The following PPP2R2B variants were observed in gnomAD, a reference collection of about 807,000 sequenced individuals.
PPP2R2B encodes the protein protein phosphatase 2 regulatory subunit Bbeta.
A neutral mutation model predicts 46.0 loss-of-function variants in PPP2R2B; 5 were observed. The ratio of observed to expected loss-of-function variants is 0.11; its 90% CI spans 0.06 to 0.23. The LOEUF is 0.23. Among genes scored for constraint, PPP2R2B ranks in the 10% least tolerant of loss-of-function variants. The pLI is 1.00. For synonymous variants in PPP2R2B, 215 were observed against 206.7 expected (o/e 1.04, Z -0.34); for missense variants, 367 against 575.0 (o/e 0.64, Z 3.70).
At chr5:146,714,493 G>T (rs933486390) in intron 2 of PPP2R2B, among the ~76,000 whole-genome samples, 1 of 152,042 alleles carries the variant, frequency 6.6e-6, no homozygotes, top group Non-Finnish European at 1.5e-5. Context: ...TGGTGGGAAA[G>T]TTCCAACTGC....
chr5:147,007,437 C>T (rs1754495615), intron 1 of PPP2R2B, among the ~76,000 whole-genome samples: 2 of 152,094 alleles, frequency 1.3e-5, no homozygotes, highest in Admixed American at 1.3e-4. Flanking sequence ...TGTAAATGCA[C>T]CAATCAGCAC....
chr5:146,741,045 A>T (rs1469684980), intron 2 of PPP2R2B, among the ~76,000 whole-genome samples: 1 of 151,906 alleles, frequency 6.6e-6, no homozygotes, highest in Non-Finnish European at 1.5e-5. Flanking sequence ...CAAAAAAAAA[A>T]AAAAATGCAG....
chr5:146,766,496 AGACT>A (rs544561949), intron 2 of PPP2R2B, among the ~76,000 whole-genome samples: 12 of 152,320 alleles, frequency 7.9e-5, no homozygotes, highest in African/African-American at 2.6e-4. Flanking sequence ...AGTCTGACCA[AGACT>A]GAGGTAAAAA....
chr5:146,800,800 AAGAG>A (rs1174385472), intron 2 of PPP2R2B, among the ~76,000 whole-genome samples: 1 of 152,044 alleles, frequency 6.6e-6, no homozygotes, highest in Non-Finnish European at 1.5e-5. Context: ...CAGGATCTCC[AAGAG>A]AGATCCACAT....
chr5:146,596,199 T>A (rs571991335), intron 8 of PPP2R2B, among the ~76,000 whole-genome samples: 2 of 152,322 alleles, frequency 1.3e-5, no homozygotes, highest in South Asian at 2.1e-4. Context: ...GGAACACACG[T>A]TGCAGTCTGC....
At chr5:146,720,071 C>T (rs1194998) in intron 2 of PPP2R2B, among the ~76,000 whole-genome samples, 63,789 of 151,992 alleles carry the variant, frequency 0.42, 15,992 homozygotes, top group East Asian at 0.8. Context: ...TCATCTTTTA[C>T]GCTACTTTGC....
chr5:146,630,950 C>T (rs1774385762), intron 7 of PPP2R2B, among the ~76,000 whole-genome samples: 1 of 152,212 alleles, frequency 6.6e-6, no homozygotes. Flanking sequence ...TGCTCAAGAT[C>T]ACCAATTAGG....
intron 5 of PPP2R2B, among the ~76,000 whole-genome samples, chr5:146,657,137 C>T (rs1394398984): frequency 1.3e-5 from 2 of 152,154 alleles, no homozygotes; most frequent in African/African-American, 4.8e-5. Context: ...CCCTAGAAAA[C>T]AGGAAGCCCC....
At chr5:146,936,696 G>A (rs1052727171) in intron 1 of PPP2R2B, among the ~76,000 whole-genome samples, 2 of 151,898 alleles carry the variant, frequency 1.3e-5, no homozygotes, top group African/African-American at 4.8e-5. Context: ...ATTTCATTTC[G>A]TTTAGCCCCT....
intron 1 of PPP2R2B, among the ~76,000 whole-genome samples, chr5:147,017,308 T>A (rs1755051704): frequency 6.6e-6 from 1 of 151,554 alleles, no homozygotes; most frequent in African/African-American, 2.4e-5. Flanking sequence ...AGGACATCTT[T>A]GAAGAGAAAG....
chr5:146,757,476 G>A (rs1295048463), intron 2 of PPP2R2B, among the ~76,000 whole-genome samples: 4 of 152,110 alleles, frequency 2.6e-5, no homozygotes, highest in Admixed American at 2.6e-4. Flanking sequence ...CAACTGCTTT[G>A]GAGTTTAAAG....
At chr5:146,984,843 T>C (rs887692724) in intron 1 of PPP2R2B, among the ~76,000 whole-genome samples, 2 of 152,128 alleles carry the variant, frequency 1.3e-5, no homozygotes, top group South Asian at 2.1e-4. Flanking sequence ...GCATTTTTCA[T>C]ATATCTGCTG....
intron 2 of PPP2R2B, among the ~76,000 whole-genome samples, chr5:147,064,508 C>T (rs1757361105): frequency 6.6e-6 from 1 of 152,174 alleles, no homozygotes; most frequent in Admixed American, 6.5e-5. Context: ...AATACGGCCT[C>T]AGAGACCTGG....
rs1236418546 is a variant in PPP2R2B, at chr5:146,587,631, T to C, written c.*2316A>G. ...GATGCCCCTAAGGGCATAAATCTTC[T>C]GTCATATCAGTTACTCAGGGTCCCA... On this transcript the variant is annotated 3_prime_UTR_variant, in exon 10 of 10. Transcript: ENST00000394411. 6.6e-6 allele frequency: 1 copy of C among 152,198 alleles called. No homozygotes were observed. The highest frequency in any genetic ancestry group is 1.5e-5 in the Non-Finnish European group (1 of 68,038). 9.4% of individuals were successfully genotyped at this position (152,198 alleles called of 1,614,324 possible).
At chr5:147,041,015 G>A (rs1756269199) in intron 1 of PPP2R2B, among the ~76,000 whole-genome samples, 1 of 152,054 alleles carries the variant, frequency 6.6e-6, no homozygotes, top group Admixed American at 6.6e-5. Flanking sequence ...TTGTTCTAAG[G>A]TATTCCCAGG....
At chr5:146,996,262 C>T (rs560077174) in intron 1 of PPP2R2B, among the ~76,000 whole-genome samples, 17 of 152,218 alleles carry the variant, frequency 1.1e-4, no homozygotes, top group African/African-American at 3.9e-4. Context: ...ACAATTTGGG[C>T]TTTGCTTTAA....
At chr5:147,075,859 C>G (rs1757749635) in intron 2 of PPP2R2B, among the ~76,000 whole-genome samples, 1 of 152,108 alleles carries the variant, frequency 6.6e-6, no homozygotes, top group Non-Finnish European at 1.5e-5. Context: ...CCAAGGAATA[C>G]TATTTTTGAG....
chr5:146,966,927 T>C (rs1752444404), intron 1 of PPP2R2B, among the ~76,000 whole-genome samples: 3 of 152,184 alleles, frequency 2.0e-5, no homozygotes, highest in South Asian at 2.1e-4. Context: ...GGGCTTAGAA[T>C]TGATCTTTCA....
At chr5:146,986,337 T>C (rs1753428635) in intron 1 of PPP2R2B, among the ~76,000 whole-genome samples, 1 of 152,008 alleles carries the variant, frequency 6.6e-6, no homozygotes, top group Middle Eastern at 3.2e-3. Flanking sequence ...CCACAGAGGG[T>C]GTACTTAGAC....
Sources: gnomAD v4.1 joint callset for allele counts (sites outside exome capture counted in the v4.1 genomes callset) on GRCh38, gnomAD v4.1.1 for gene constraint, MANE v1.5 for transcripts, NCBI Gene and HGNC (gene_info 2026-07-23, HGNC 2026-07-21) for gene names.